Variants in BSN observed in about 807,000 individuals in gnomAD.
BSN encodes the protein bassoon presynaptic cytomatrix protein, also known as protein bassoon.
In BSN, 57 loss-of-function variants were observed where a neutral mutation model predicts 264.8. That is an observed-to-expected ratio of 0.22 (90% CI 0.17 to 0.27). The LOEUF (loss-of-function observed/expected upper bound fraction) is 0.27, where lower values mean the gene tolerates loss of function less well. Among genes scored for constraint, BSN ranks in the 10% least tolerant of loss-of-function variants. The probability of loss-of-function intolerance (pLI) is 1.00; values close to 1 mark genes in which losing one functional copy is unlikely to be tolerated. For synonymous variants in BSN, 2,059 were observed against 2,137.3 expected (o/e 0.96, Z 1.01); for missense variants, 4,615 against 5,232.5 (o/e 0.88, Z 3.64).
chr3:49,618,176 T>C (rs1304756781), intron 1 of BSN, among the ~76,000 whole-genome samples: 4 of 152,124 alleles, frequency 2.6e-5, no homozygotes, highest in Non-Finnish European at 4.4e-5. Flanking sequence ...TCTACACTTA[T>C]CTGAATTGAA....
At chr3:49,663,761 T>G (rs762817360) in intron 7 of BSN, 26 bp from the exon 8 acceptor site, 2 of 1,613,662 alleles carry the variant, frequency 1.2e-6, no homozygotes, top group Admixed American at 1.7e-5. Flanking sequence ...ATGGGCAGAA[T>G]CTTAGCTATA....
At chr3:49,576,701 C>T (rs1398431467) in intron 1 of BSN, among the ~76,000 whole-genome samples, 3 of 152,154 alleles carry the variant, frequency 2.0e-5, no homozygotes, top group African/African-American at 7.2e-5. Context: ...GGATTACAGG[C>T]GTGAGCCACT....
At chr3:49,594,959 C>T (rs917058608) in intron 1 of BSN, among the ~76,000 whole-genome samples, 10 of 149,424 alleles carry the variant, frequency 6.7e-5, no homozygotes, top group African/African-American at 9.9e-5. Context: ...GGCACAATCT[C>T]GGCTCACTGC....
In BSN at chr3:49,669,640, T is replaced by C. The variant is rs537165247; in HGVS notation, c.*2155T>C. ...TGAGCCAGGAGATCTGGGCTGGAGC[T>C]AGGGGGTCAATGGATGCTCAGGAAG... is the stretch of plus-strand genomic sequence containing the variant. On this transcript the variant is annotated 3_prime_UTR_variant, in exon 12 of 12. Coordinates refer to ENST00000296452, the MANE Select transcript of BSN (RefSeq NM_003458.4). 3 of 152,398 alleles carry C rather than the reference T, an allele frequency of 2.0e-5. No homozygotes were observed. Among genetic ancestry groups the C allele is most frequent in the Admixed American group, 2.0e-4 (3 of 15,298 alleles). 9.4% of individuals were successfully genotyped at this position (152,398 alleles called of 1,614,324 possible).
intron 1 of BSN, among the ~76,000 whole-genome samples, chr3:49,571,308 C>T (rs1018184960): frequency 3.9e-5 from 6 of 152,054 alleles, no homozygotes; most frequent in Non-Finnish European, 5.9e-5. Flanking sequence ...CCTGGGTTTC[C>T]TAGCTCCAGC....
rs769508985 is a variant in BSN, at chr3:49,661,162, T to TGCCAAACCA, written c.9320_9328dup (p.Pro3107_Gln3109dup). On this transcript the variant is annotated inframe_insertion, in exon 6 of 12. Coordinates refer to ENST00000296452, the MANE Select transcript of BSN (RefSeq NM_003458.4). Reference sequence around the variant, plus strand: ...GCCAGTTACCCAGCTGAGCCTGGCCTGCCAAACCAGCAGGCTTTCCGCCCC... The same window carrying TGCCAAACCA: ...GCCAGTTACCCAGCTGAGCCTGGCCTGCCAAACCAGCCAAACCAGCAGGCTTTCCGCCCC... 6.2e-7 allele frequency: 1 copy of TGCCAAACCA among 1,613,188 alleles called. No individual in the cohort carries two copies.
At chr3:49,569,744 A>C (rs1398380528) in intron 1 of BSN, among the ~76,000 whole-genome samples, 1 of 152,212 alleles carries the variant, frequency 6.6e-6, no homozygotes, top group Admixed American at 6.5e-5. Flanking sequence ...CTAGTCAGAG[A>C]TGAAGCTCAG....
chr3:49,623,690 G>T (rs1436517639), intron 1 of BSN, among the ~76,000 whole-genome samples: 2 of 152,198 alleles, frequency 1.3e-5, no homozygotes. Flanking sequence ...TCTGGCATCA[G>T]GCTTGCCAGA....
intron 1 of BSN, among the ~76,000 whole-genome samples, chr3:49,578,096 T>C (rs1257881224): frequency 2.0e-5 from 3 of 152,206 alleles, no homozygotes; most frequent in Admixed American, 6.5e-5. Flanking sequence ...GGATGCTTAA[T>C]ACATTAGCAC....
chr3:49,651,083 A>T lies in BSN; in HGVS notation c.1986+4A>T. 6.3e-7 allele frequency: 1 copy of T among 1,598,048 alleles called. No individual in the cohort carries two copies. Among genetic ancestry groups the T allele is most frequent in the Non-Finnish European group, 8.5e-7 (1 of 1,175,934 alleles). On this transcript the variant is annotated splice_donor_region_variant and intron_variant, in intron 4 of 11. Transcript: ENST00000296452. This position sits in a 1 kb window ranked among gnomAD's most constrained non-coding sequence, Gnocchi z 5.4. The stretch of plus-strand genomic sequence containing the variant: ...CCCCAAGGGTGGGGAGGCGGAGGTC[A>T]GTCCCATTCACTTCCCAGAGACCCT...
rs1343835156 is a variant in BSN at position 49,655,367 on chromosome 3, C to T, written c.5811C>T (p.Ser1937=). The change falls in exon 5 of 12, where the codon AGC becomes AGT. Residue 1937 remains serine (S), a synonymous_variant. Coordinates refer to ENST00000296452, the MANE Select transcript of BSN (RefSeq NM_003458.4). ...CAGATGCTGCCCCACCTGGCCAAAG[C>T]AGCAGCCCCTTCTATGGTCCCCGGG... The part of the protein sequence containing the change: ...SMADAAPPGQ[S]SSPFYGPRDP... 3.1e-6 allele frequency: 5 copies of T among 1,590,934 alleles called. No individual in the cohort carries two copies. The highest frequency in any genetic ancestry group is 4.3e-6 in the Non-Finnish European group (5 of 1,168,196).
chr3:49,618,969 A>G (rs2052282422), intron 1 of BSN, among the ~76,000 whole-genome samples: 2 of 152,254 alleles, frequency 1.3e-5, no homozygotes, highest in Non-Finnish European at 2.9e-5. Context: ...TACAACATGT[A>G]TAAGATGTGA....
intron 1 of BSN, among the ~76,000 whole-genome samples, chr3:49,609,397 G>A (rs183175738): frequency 1.3e-5 from 2 of 151,752 alleles, no homozygotes; most frequent in Admixed American, 6.6e-5. Flanking sequence ...GCCACCACAC[G>A]CTTGGCCTGA....
At chr3:49,613,307 A>C (rs75145997) in intron 1 of BSN, among the ~76,000 whole-genome samples, 5 of 122,158 alleles carry the variant, frequency 4.1e-5, no homozygotes, top group African/African-American at 1.4e-4. Context: ...ACAGAGCGAG[A>C]GAGAGAGAGA....
Position 49,596,180 on chromosome 3 carries a change from G to A in BSN, c.225-28795G>A, listed in dbSNP as rs535584156. ...AGCATTTTGGGAGGCCGAGGTGGGTGGATCACGAGGTCAGGAGATTGGGAC... is the reference window on the plus strand; with the variant it reads ...AGCATTTTGGGAGGCCGAGGTGGGTAGATCACGAGGTCAGGAGATTGGGAC... On this transcript the variant is annotated intron_variant, in intron 1 of 11. Transcript: ENST00000296452. 3.9e-5 allele frequency among the ~76,000 whole-genome samples: 6 copies of A among 152,216 alleles called. No individual in the cohort carries two copies. In the South Asian group the frequency reaches 1.0e-3, roughly 26 times the overall value.
rs779579622 is a variant in BSN, at chr3:49,662,126, C to A, written c.10281C>A (p.Ser3427Arg). Residue 3427 changes from serine (S) to arginine (R), a missense_variant, in exon 6 of 12, where the codon AGC becomes AGA. Coordinates refer to ENST00000296452, the MANE Select transcript of BSN (RefSeq NM_003458.4). ...AGCAAAAATACTATGGGATGTCCAG[C>A]CGGGACGCAGTGGAGGACGACCGCA... ...YEQQKYYGMS[S>R]RDAVEDDRIY... 1 of 1,613,524 alleles carries A rather than the reference C, an allele frequency of 6.2e-7. No individual in the cohort carries two copies. The highest frequency in any genetic ancestry group is 8.5e-7 in the Non-Finnish European group (1 of 1,180,042).
At chr3:49,649,367 C>T (rs960445769) in intron 3 of BSN, among the ~76,000 whole-genome samples, 1 of 152,212 alleles carries the variant, frequency 6.6e-6, no homozygotes, top group Non-Finnish European at 1.5e-5. Context: ...GAGTTCCCTG[C>T]AGGACGGATG....
In BSN at chr3:49,652,268, C is replaced by T. The variant is rs2052549252; in HGVS notation, c.2712C>T (p.Gly904=). ...GCCTGCCCCACAATGCCACCACGGGCTATGAGGAGCTGCTCCCTGAGGGAG... is the reference window on the plus strand; with the variant it reads ...GCCTGCCCCACAATGCCACCACGGGTTATGAGGAGCTGCTCCCTGAGGGAG... ...KRRLPHNATT[G]YEELLPEGGS... is the part of the protein sequence containing the mutation. The change falls in exon 5 of 12, where the codon GGC becomes GGT. Residue 904 remains glycine (G), a synonymous_variant. Coordinates refer to ENST00000296452, the MANE Select transcript of BSN (RefSeq NM_003458.4). 6.2e-7 allele frequency: 1 copy of T among 1,600,520 alleles called. No homozygotes were observed. The highest frequency in any genetic ancestry group is 8.5e-7 in the Non-Finnish European group (1 of 1,172,430).
intron 1 of BSN, among the ~76,000 whole-genome samples, chr3:49,563,271 A>T (rs886768263): frequency 6.6e-6 from 1 of 152,050 alleles, no homozygotes; most frequent in Non-Finnish European, 1.5e-5. Context: ...CGGAAAACTG[A>T]TGGCCTCCTT....
Sources: gnomAD v4.1 joint callset for allele counts (sites outside exome capture counted in the v4.1 genomes callset) on GRCh38, gnomAD v4.1.1 for gene constraint, Gnocchi (gnomAD v3.1) non-coding constraint, MANE v1.5 for transcripts, NCBI Gene and HGNC (gene_info 2026-07-23, HGNC 2026-07-21) for gene names.